Variants in SLC37A2 observed in about 807,000 individuals in gnomAD.
The protein encoded by SLC37A2 is solute carrier family 37 member 2, also known as glucose-6-phosphate exchanger SLC37A2.
In SLC37A2, 59 loss-of-function variants were observed where a neutral mutation model predicts 70.7. The observed-to-expected ratio is 0.83, with a 90% CI of 0.68 to 1.04. The LOEUF (loss-of-function observed/expected upper bound fraction) is 1.04. Among genes scored for constraint, SLC37A2 ranks in the 50% least tolerant of loss-of-function variants. The probability of loss-of-function intolerance (pLI) is 0.00; values close to 1 mark genes in which losing one functional copy is unlikely to be tolerated. For missense variants in SLC37A2, 580 were observed against 658.1 expected (o/e 0.88, Z 1.30); for synonymous variants, 257 against 262.1 (o/e 0.98, Z 0.19).
At chr11:125,079,288 T>C in intron 5 of SLC37A2, 41 bp downstream of exon 5, 1 of 1,612,890 alleles carries the variant, frequency 6.2e-7, no homozygotes, top group Non-Finnish European at 8.5e-7. Flanking sequence ...TGTTGCCGTC[T>C]CGGGAAGGAC....
intron 11 of SLC37A2, 80 bp from the exon 12 acceptor site, chr11:125,084,154 T>C: frequency 6.6e-7 from 1 of 1,510,030 alleles, no homozygotes; most frequent in Non-Finnish European, 9.2e-7. Context: ...AGGCCAGCAC[T>C]GGGGCACAGC....
intron 17 of SLC37A2, chr11:125,087,881 C>T: frequency 2.4e-6 from 1 of 410,890 alleles, no homozygotes; most frequent in South Asian, 3.1e-5. Context: ...ACTCACCCGC[C>T]TCGGCCTCCC....
intron 16 of SLC37A2, 102 bp from the exon 17 acceptor site, chr11:125,085,852 T>C: frequency 2.3e-6 from 3 of 1,284,618 alleles, no homozygotes; most frequent in African/African-American, 1.5e-5. Flanking sequence ...AGCGTGTCTC[T>C]CCCCCTTCTC....
intron 1 of SLC37A2, among the ~76,000 whole-genome samples, chr11:125,072,060 C>G (rs568067996): frequency 6.6e-6 from 1 of 151,684 alleles, no homozygotes; most frequent in African/African-American, 2.4e-5. Context: ...ACTGGGGAAC[C>G]GGGGCTGTTT....
At chr11:125,085,735 C>A in intron 16 of SLC37A2, 61 bp downstream of exon 16, 1 of 1,559,640 alleles carries the variant, frequency 6.4e-7, no homozygotes, top group Non-Finnish European at 8.8e-7. Flanking sequence ...CAGACTGGAA[C>A]CCTGGAGGTC....
rs1343228219 is a variant in SLC37A2, at chr11:125,090,105, T to TGTGTGTCGAAAC, written c.*1971_*1972insGTGTGTCGAAAC. 1 of 152,212 alleles carries TGTGTGTCGAAAC rather than the reference T, an allele frequency of 6.6e-6. No individual in the cohort carries two copies. The highest frequency in any genetic ancestry group is 1.5e-5 in the Non-Finnish European group (1 of 68,076). The allele number at this position is 152,212 out of a possible 1,614,324, so 9.4% of individuals were successfully genotyped here. A position where few individuals can be genotyped will look rare whatever the true frequency, so the allele number is the denominator to read the frequency against. On this transcript the variant is annotated 3_prime_UTR_variant, in exon 18 of 18. Coordinates refer to ENST00000403796, the MANE Select transcript of SLC37A2 (RefSeq NM_001145290.2). Reference sequence around the variant, plus strand: ...TGCTCTGGTGGGGCCTCGGAGAACCTTTATATCTAGCTCAGGGATTGTAAA... The same window carrying TGTGTGTCGAAAC: ...TGCTCTGGTGGGGCCTCGGAGAACCTGTGTGTCGAAACTTATATCTAGCTCAGGGATTGTAAA...
chr11:125,069,650 A>G (rs1949010824), intron 1 of SLC37A2, among the ~76,000 whole-genome samples: 1 of 152,236 alleles, frequency 6.6e-6, no homozygotes, highest in Non-Finnish European at 1.5e-5. Context: ...AAGGCATGCA[A>G]GTGGAGACAT....
intron 17 of SLC37A2, chr11:125,086,781 C>T (rs1055257521): frequency 1.3e-4 from 22 of 172,582 alleles, no homozygotes; most frequent in African/African-American, 5.0e-4. Flanking sequence ...GATGGTCGGG[C>T]GACCCTCTCC....
At chr11:125,082,208 G>C (rs1384534579) in intron 9 of SLC37A2, 36 bp from the exon 10 acceptor site, 1 of 1,605,356 alleles carries the variant, frequency 6.2e-7, no homozygotes, top group South Asian at 1.1e-5. Context: ...AGGACCTCTG[G>C]ACCCCTTCCC....
chr11:125,070,091 G>C (rs1369941069), intron 1 of SLC37A2, among the ~76,000 whole-genome samples: 1 of 152,238 alleles, frequency 6.6e-6, no homozygotes, highest in African/African-American at 2.4e-5. Flanking sequence ...GCCTGTGGGA[G>C]GAAATACCAG....
chr11:125,065,721 T>C (rs1222131761), intron 1 of SLC37A2, among the ~76,000 whole-genome samples: 1 of 152,150 alleles, frequency 6.6e-6, no homozygotes, highest in Non-Finnish European at 1.5e-5. Context: ...AAGGTCTTGG[T>C]TGCATAACCA....
In SLC37A2 at chr11:125,083,294, C is replaced by T. The variant is rs1371430174; in HGVS notation, c.977-521C>T. 1 of 152,874 alleles carries T rather than the reference C, an allele frequency of 6.5e-6. No individual in the cohort carries two copies. Among genetic ancestry groups the T allele is most frequent in the Non-Finnish European group, 1.5e-5 (1 of 68,592 alleles). The allele number at this position is 152,874 out of a possible 1,614,324, so 9.5% of individuals were successfully genotyped here. On this transcript the variant is annotated intron_variant, in intron 10 of 17. Coordinates refer to ENST00000403796, the MANE Select transcript of SLC37A2 (RefSeq NM_001145290.2). The surrounding 1 kb of genome is among the most constrained non-coding windows in gnomAD (Gnocchi z 4.6). ...GTGCTGACTTCAGAGTATGAGGCAC[C>T]CTCGAGGGTGGGGCTACAATCTCAG...
chr11:125,079,342 G>A, intron 5 of SLC37A2, 95 bp downstream of exon 5: 1 of 1,521,706 alleles, frequency 6.6e-7, no homozygotes, highest in South Asian at 1.1e-5. Context: ...TGTGTTCCTG[G>A]CTCCCTGTCC....
At chr11:125,069,690 A>G (rs192727194) in intron 1 of SLC37A2, among the ~76,000 whole-genome samples, 43 of 152,370 alleles carry the variant, frequency 2.8e-4, no homozygotes, top group Non-Finnish European at 5.0e-4. Flanking sequence ...AAGTAGTAAC[A>G]TGTAGCTCCA....
chr11:125,077,541 G>A lies in SLC37A2; in HGVS notation c.314+13G>A, dbSNP rs1179274074. On this transcript the variant is annotated intron_variant, in intron 4 of 17. Transcript: ENST00000403796. The stretch of plus-strand genomic sequence containing the variant: ...GCATGTTCATCAGGTAAGGACAGAG[G>A]CTGAGCCTATGACCAAGAGGAGGAT... 1.2e-6 allele frequency: 2 copies of A among 1,609,690 alleles called. No homozygotes were observed. The highest frequency in any genetic ancestry group is 2.2e-5 in the East Asian group (1 of 44,836).
rs201989817 is a variant in SLC37A2, at chr11:125,084,833, G to A, written c.1134G>A (p.Leu378=). The A allele has an allele frequency of 6.2e-7, 1 of 1,613,596 alleles. No homozygotes were observed. The highest frequency in any genetic ancestry group is 1.1e-5 in the South Asian group (1 of 90,888). Residue 378 remains leucine, a synonymous_variant, in exon 13 of 18, where the codon CTG becomes CTA. Coordinates refer to ENST00000403796, the MANE Select transcript of SLC37A2 (RefSeq NM_001145290.2). ...MLILAAPMMF[L]YNYIGQDGIA... is the part of the protein sequence containing the mutation. ...CCCCTCTCCTCTCTCAGATGTTCCT[G>A]TACAACTACATTGGCCAGGACGGGA...
chr11:125,080,548 T>C lies in SLC37A2; in HGVS notation c.528-66T>C. ...CAGCTTTAGAGCTTGGCTGGGGCAGTTGCTATGAACAATGTGCTTTGCTTT... is the reference window on the plus strand; with the variant it reads ...CAGCTTTAGAGCTTGGCTGGGGCAGCTGCTATGAACAATGTGCTTTGCTTT... On this transcript the variant is annotated intron_variant, in intron 6 of 17. Transcript: ENST00000403796. This position sits in a 1 kb window ranked among gnomAD's most constrained non-coding sequence, Gnocchi z 4.3. 1 of 1,356,174 alleles carries C rather than the reference T, an allele frequency of 7.4e-7. No homozygotes were observed. Among genetic ancestry groups the C allele is most frequent in the Non-Finnish European group, 9.6e-7 (1 of 1,038,182 alleles). The allele number at this position is 1,356,174 out of a possible 1,614,324, so 84.0% of individuals were successfully genotyped here.
In SLC37A2 at chr11:125,084,761, C is replaced by T. The variant is rs537557610; in HGVS notation, c.1126-64C>T. 359 of 1,558,808 alleles carry T rather than the reference C, an allele frequency of 2.3e-4. 5 individuals carry two copies. In the South Asian group the frequency reaches 3.9e-3, roughly 17 times the overall value. On this transcript the variant is annotated intron_variant, in intron 12 of 17. Coordinates refer to ENST00000403796, the MANE Select transcript of SLC37A2 (RefSeq NM_001145290.2). Reference sequence around the variant, plus strand: ...CAGGGCAGGAGATGGTTGTTGCAGACCTCAGGGCTCCAGGCCAGCAAAGGG... The same window carrying T: ...CAGGGCAGGAGATGGTTGTTGCAGATCTCAGGGCTCCAGGCCAGCAAAGGG...
At chr11:125,086,398 A>G (rs1004933717) in intron 17 of SLC37A2, 13 of 760,852 alleles carry the variant, frequency 1.7e-5, no homozygotes, top group Non-Finnish European at 2.8e-5. Flanking sequence ...CAACCTCAGC[A>G]GAGCATGGTG....
Sources: gnomAD v4.1 joint callset for allele counts (sites outside exome capture counted in the v4.1 genomes callset) on GRCh38, gnomAD v4.1.1 for gene constraint, Gnocchi (gnomAD v3.1) non-coding constraint, MANE v1.5 for transcripts, NCBI Gene and HGNC (gene_info 2026-07-23, HGNC 2026-07-21) for gene names.